Variants in GLO1 observed in about 807,000 individuals in gnomAD.
The protein encoded by GLO1 is glyoxalase I, also known as lactoylglutathione lyase.
Under a neutral mutation model 26.0 loss-of-function variants are expected in GLO1, and 28 were observed. That is an observed-to-expected ratio of 1.08 (90% CI 0.80 to 1.48). The LOEUF (loss-of-function observed/expected upper bound fraction) is 1.48, where lower values mean the gene tolerates loss of function less well. Among genes scored for constraint, GLO1 ranks in the 40% most tolerant of loss-of-function variants. GLO1 has a pLI of 0.00. For synonymous variants in GLO1, 78 were observed against 77.6 expected, an observed-to-expected ratio of 1.00 and a Z score of -0.03; for missense variants, 225 against 224.8, an observed-to-expected ratio of 1.00 and a Z score of -0.01.
At chr6:38,693,457 T>G (rs975450929) in intron 1 of GLO1, among the ~76,000 whole-genome samples, 3 of 152,130 alleles carry the variant, frequency 2.0e-5, no homozygotes, top group Non-Finnish European at 4.4e-5. Context: ...GATTTTCTGT[T>G]CTTAATTTCA....
At chr6:38,678,314 A>G (rs953215610) in intron 5 of GLO1, among the ~76,000 whole-genome samples, 3 of 134,746 alleles carry the variant, frequency 2.2e-5, no homozygotes, top group South Asian at 2.3e-4. Context: ...AAAAGAAAGA[A>G]AGAGAGAAAG....
intron 1 of GLO1, among the ~76,000 whole-genome samples, chr6:38,693,685 C>CTCTCTATATA (rs869232489): frequency 4.3e-4 from 37 of 86,440 alleles, no homozygotes; most frequent in African/African-American, 1.2e-3. Flanking sequence ...CTCTCTCTCT[C>CTCTCTATATA]TATATATATA....
chr6:38,685,971 A>G (rs1761455102), intron 2 of GLO1, among the ~76,000 whole-genome samples: 1 of 152,252 alleles, frequency 6.6e-6, no homozygotes, highest in South Asian at 2.1e-4. Flanking sequence ...TGGGGATAAA[A>G]GCTACCTCCT....
chr6:38,681,455 TA>T (rs1204015867), intron 5 of GLO1, among the ~76,000 whole-genome samples: 2 of 152,230 alleles, frequency 1.3e-5, no homozygotes, highest in African/African-American at 4.8e-5. Flanking sequence ...AAATATTTAA[TA>T]TTTCAATTTT....
chr6:38,700,793 T>TTC (rs1477632493), intron 1 of GLO1, among the ~76,000 whole-genome samples: 1 of 151,746 alleles, frequency 6.6e-6, no homozygotes, highest in African/African-American at 2.4e-5. Flanking sequence ...GTTTTTTTTT[T>TTC]TTTTTGGACA....
intron 1 of GLO1, among the ~76,000 whole-genome samples, chr6:38,696,123 A>AT (rs1318462465): frequency 1.3e-5 from 2 of 152,210 alleles, no homozygotes; most frequent in Non-Finnish European, 2.9e-5. Flanking sequence ...CTCTAAATGA[A>AT]TTTTATACAA....
intron 1 of GLO1, among the ~76,000 whole-genome samples, chr6:38,691,974 A>G (rs1353804750): frequency 6.6e-6 from 1 of 152,226 alleles, no homozygotes; most frequent in Non-Finnish European, 1.5e-5. Context: ...TGATTACTGT[A>G]GCTATGTAAG....
chr6:38,686,836 T>C (rs1761466415), intron 2 of GLO1, 56 bp downstream of exon 2: 2 of 980,808 alleles, frequency 2.0e-6, no homozygotes, highest in Non-Finnish European at 3.2e-6. Context: ...AAACACTCTC[T>C]AGATTTGCAA....
intron 1 of GLO1, among the ~76,000 whole-genome samples, chr6:38,693,862 C>A (rs1761569676): frequency 6.6e-6 from 1 of 152,010 alleles, no homozygotes; most frequent in Non-Finnish European, 1.5e-5. Context: ...AGGTGCCCGC[C>A]ACCACGCCTG....
chr6:38,682,121 A>G lies in GLO1; in HGVS notation c.377-20T>C, dbSNP rs776061754. On this transcript the variant is annotated intron_variant, in intron 4 of 5. Transcript: ENST00000373365. The stretch of plus-strand genomic sequence containing the variant: ...TATGACCTTACGTGATACCCCCCGA[A>G]AAAAGCAGAGAGAAGGAAGAAATAA... 16 of 1,292,744 alleles carry G rather than the reference A, an allele frequency of 1.2e-5. No homozygotes were observed. Among genetic ancestry groups the G allele is most frequent in the Admixed American group, 6.7e-5 (4 of 59,604 alleles). The allele number at this position is 1,292,744 out of a possible 1,614,324, so 80.1% of individuals were successfully genotyped here. A position where few individuals can be genotyped will look rare whatever the true frequency, so the allele number is the denominator to read the frequency against.
intron 3 of GLO1, among the ~76,000 whole-genome samples, chr6:38,684,080 TG>T (rs946581547): frequency 6.6e-6 from 1 of 151,854 alleles, no homozygotes; most frequent in Non-Finnish European, 1.5e-5. Flanking sequence ...AAAAACTAGC[TG>T]GGTGTGGTGG....
At chr6:38,681,944 T>G in intron 5 of GLO1, 68 bp downstream of exon 5, 2 of 811,312 alleles carry the variant, frequency 2.5e-6, no homozygotes, top group South Asian at 2.7e-5. Context: ...ACTACAACAG[T>G]GGCCTCTGTA....
At chr6:38,701,928 A>ATTTTT (rs555631797) in intron 1 of GLO1, among the ~76,000 whole-genome samples, 1 of 137,156 alleles carries the variant, frequency 7.3e-6, no homozygotes. Flanking sequence ...CTGTGCCTGA[A>ATTTTT]TTTTTTTTTT....
intron 3 of GLO1, among the ~76,000 whole-genome samples, 187 bp downstream of exon 3, chr6:38,684,187 C>A (rs892329113): frequency 6.6e-6 from 1 of 152,150 alleles, no homozygotes; most frequent in Non-Finnish European, 1.5e-5. Flanking sequence ...AAAAACACAT[C>A]TCATTTGCCC....
At chr6:38,685,877 G>T (rs905445952) in intron 2 of GLO1, among the ~76,000 whole-genome samples, 2 of 152,204 alleles carry the variant, frequency 1.3e-5, no homozygotes, top group Admixed American at 6.5e-5. Context: ...AATGGATACA[G>T]GTTCCAGCCC....
chr6:38,696,537 C>T, intron 1 of GLO1, among the ~76,000 whole-genome samples: 1 of 152,206 alleles, frequency 6.6e-6, no homozygotes, highest in Non-Finnish European at 1.5e-5. Context: ...CCTCACATGG[C>T]AGAAGGGCTT....
intron 5 of GLO1, among the ~76,000 whole-genome samples, chr6:38,678,316 G>GAGAGAAAGAGAAAGAGAA (rs148661388): frequency 2.7e-4 from 39 of 147,086 alleles, no homozygotes; most frequent in Non-Finnish European, 3.6e-4. Flanking sequence ...AAGAAAGAAA[G>GAGAGAAAGAGAAAGAGAA]AGAGAAAGAG....
chr6:38,682,745 A>C (rs1165959117), intron 4 of GLO1, 63 bp downstream of exon 4: 1 of 842,048 alleles, frequency 1.2e-6, no homozygotes, highest in Non-Finnish European at 2.0e-6. Flanking sequence ...TAAAATCATA[A>C]TTATATACAT....
chr6:38,700,390 G>C (rs1300442167), intron 1 of GLO1, among the ~76,000 whole-genome samples: 1 of 152,160 alleles, frequency 6.6e-6, no homozygotes, highest in Non-Finnish European at 1.5e-5. Flanking sequence ...TCATAGTTTA[G>C]AGAACATAAT....
Sources: gnomAD v4.1 joint callset for allele counts (sites outside exome capture counted in the v4.1 genomes callset) on GRCh38, gnomAD v4.1.1 for gene constraint, MANE v1.5 for transcripts, NCBI Gene and HGNC (gene_info 2026-07-23, HGNC 2026-07-21) for gene names.